Variants in CDC25C observed in about 807,000 individuals in gnomAD.
CDC25C encodes the protein cell division cycle 25C.
A neutral mutation model predicts 52.5 loss-of-function variants in CDC25C; 48 were observed. The observed-to-expected ratio is 0.91, with a 90% CI of 0.72 to 1.16. The LOEUF is 1.16. Ranked by LOEUF, CDC25C falls within the 50% of genes most tolerant of loss-of-function variation. The pLI, the probability that CDC25C is intolerant of heterozygous loss-of-function variation, is 0.00. For missense variants in CDC25C, 510 were observed against 566.1 expected (o/e 0.90, Z 1.01); for synonymous variants, 187 against 206.5 (o/e 0.91, Z 0.81).
chr5:138,329,626 G>A lies in CDC25C; in HGVS notation c.216C>T (p.Leu72=), dbSNP rs778223143. The A allele has an allele frequency of 6.2e-6, 10 of 1,612,226 alleles. No individual in the cohort carries two copies. Among genetic ancestry groups the A allele is most frequent in the African/African-American group, 4.0e-5 (3 of 74,756 alleles). ...CCCCACTGCTAAGATTCGAAAGATCGAGGCAACGTTTTGGGGTTCCTCTGT... is the reference window on the plus strand; with the variant it reads ...CCCCACTGCTAAGATTCGAAAGATCAAGGCAACGTTTTGGGGTTCCTCTGT... ...ILSGGTPKRC[L]DLSNLSSGEI... is the part of the protein sequence containing the mutation. Residue 72 remains leucine, a synonymous_variant, in exon 3 of 14, where the codon CTC becomes CTT. Transcript: ENST00000323760.
chr5:138,293,234 A>G (rs1421413076), intron 7 of CDC25C, among the ~76,000 whole-genome samples: 1 of 152,162 alleles, frequency 6.6e-6, no homozygotes. Flanking sequence ...TGACTGGACC[A>G]TATTGCTGGT....
At position 138,285,710 on chromosome 5, in the gene CDC25C, C is replaced by T. The variant is rs141233726; in HGVS notation, c.1404G>A (p.Val468=). ...AATGTTATCATGGGCTCATGTCCTT[C>T]ACCAGAAGGGCAATCTGCTCCCGCA... ...RQLREQIALL[V]KDMSP Residue 468 remains valine (V), a synonymous_variant, in exon 14 of 14, where the codon GTG becomes GTA. Transcript: ENST00000323760. 53 of 1,614,026 alleles carry T rather than the reference C, an allele frequency of 3.3e-5. 1 individual carries two copies. Among genetic ancestry groups the T allele is most frequent in the Non-Finnish European group, 4.5e-5 (53 of 1,180,012 alleles).
At chr5:138,322,738 G>A (rs1301363279) in intron 6 of CDC25C, among the ~76,000 whole-genome samples, 1 of 144,730 alleles carries the variant, frequency 6.9e-6, no homozygotes, top group Non-Finnish European at 1.5e-5. Context: ...GCCTCCCAAA[G>A]TGCTGGAATT....
At chr5:138,304,658 A>G (rs1204960107) in intron 7 of CDC25C, among the ~76,000 whole-genome samples, 2 of 151,982 alleles carry the variant, frequency 1.3e-5, no homozygotes, top group African/African-American at 2.4e-5. Flanking sequence ...GGCATGCACT[A>G]CCACATGCAA....
At chr5:138,332,544 G>GA (rs1760475823), upstream of CDC25C, among the ~76,000 whole-genome samples, 1 of 152,106 alleles carries the variant, frequency 6.6e-6, no homozygotes, top group African/African-American at 2.4e-5. Flanking sequence ...GGTTATTAAT[G>GA]AAAATTTGAA....
chr5:138,332,354 G>C (rs1462374260), upstream of CDC25C, among the ~76,000 whole-genome samples: 1 of 152,160 alleles, frequency 6.6e-6, no homozygotes, highest in East Asian at 1.9e-4. Flanking sequence ...AGACGGGTGT[G>C]TGTGTTTATG....
intron 9 of CDC25C, 121 bp downstream of exon 9, chr5:138,290,518 G>A: frequency 1.5e-6 from 1 of 660,920 alleles, no homozygotes; most frequent in African/African-American, 1.8e-5. Flanking sequence ...CTAGAGCACT[G>A]TCAGGTTACC....
intron 7 of CDC25C, among the ~76,000 whole-genome samples, chr5:138,303,067 T>C (rs1435129607): frequency 1.3e-5 from 2 of 152,248 alleles, no homozygotes; most frequent in East Asian, 3.9e-4. Flanking sequence ...AGACCATGTC[T>C]CTTTAAAAAC....
intron 4 of CDC25C, among the ~76,000 whole-genome samples, 183 bp from the exon 5 acceptor site, chr5:138,326,237 A>G (rs1759846171): frequency 6.6e-6 from 1 of 152,208 alleles, no homozygotes; most frequent in Non-Finnish European, 1.5e-5. Flanking sequence ...CTCAAGTGAC[A>G]TCCTGGGGAT....
upstream of CDC25C, among the ~76,000 whole-genome samples, chr5:138,336,076 T>C (rs940497288): frequency 1.3e-5 from 2 of 151,766 alleles, no homozygotes; most frequent in Admixed American, 6.6e-5. Context: ...TATCAAAGTA[T>C]GTAGGTCAAG....
At position 138,292,106 on chromosome 5, in the gene CDC25C, C is replaced by T. The variant is rs1410731154; in HGVS notation, c.626G>A (p.Ser209Asn). Residue 209 changes from serine (S) to asparagine (N), a missense_variant, in exon 8 of 14, where the codon AGT becomes AAT. Physicochemically the swap from Ser to Asn is conservative, Grantham distance 46. Transcript: ENST00000323760. ...LKDQEAKVSR[S>N]GLYRSPSMPE... ...CATCGACGGGGAGCGATATAGGCCA[C>T]TTCTGCTCACCTGTTTGGGAATATT... is the stretch of plus-strand genomic sequence containing the variant. The T allele has an allele frequency of 2.5e-6, 4 of 1,611,742 alleles. No individual in the cohort carries two copies. Among genetic ancestry groups the T allele is most frequent in the Non-Finnish European group, 3.4e-6 (4 of 1,178,888 alleles).
Position 138,331,745 on chromosome 5 carries a change from A to G in CDC25C, c.-189T>C, listed in dbSNP as rs1760403207. ...CTCTGCCTTCCGACTGGGTAGGCCA[A>G]CGTCGGACTCAGAGTCTTCCCTGAG... On this transcript the variant is annotated 5_prime_UTR_variant, in exon 1 of 14. Coordinates refer to ENST00000323760, the MANE Select transcript of CDC25C (RefSeq NM_001790.5). The G allele has an allele frequency of 3.0e-6, 3 of 988,012 alleles. No homozygotes were observed. The highest frequency in any genetic ancestry group is 3.6e-6 in the Non-Finnish European group (3 of 831,272). 61.2% of individuals were successfully genotyped at this position (988,012 alleles called of 1,614,324 possible).
upstream of CDC25C, chr5:138,336,700 AT>A (rs1760727578): frequency 1.3e-5 from 2 of 152,042 alleles, no homozygotes; most frequent in South Asian, 4.1e-4. Flanking sequence ...AAAAAAAAAA[AT>A]GTAGCATGGT....
chr5:138,287,670 A>G (rs1045142299), intron 10 of CDC25C, among the ~76,000 whole-genome samples: 6 of 152,224 alleles, frequency 3.9e-5, no homozygotes, highest in Non-Finnish European at 8.8e-5. Flanking sequence ...TCTTTCAGGA[A>G]AGGATATGGA....
Position 138,287,223 on chromosome 5 carries a change from CT to C in CDC25C, c.971del (p.Lys324SerfsTer22). 6.2e-7 allele frequency: 1 copy of C among 1,614,122 alleles called. No individual in the cohort carries two copies. Among genetic ancestry groups the C allele is most frequent in the Non-Finnish European group, 8.5e-7 (1 of 1,180,000 alleles). On this transcript the variant is annotated frameshift_variant, in exon 11 of 14. Coordinates refer to ENST00000323760, the MANE Select transcript of CDC25C (RefSeq NM_001790.5). LOFTEE classifies it high-confidence loss of function. The stretch of plus-strand genomic sequence containing the variant: ...GATAGCGACAATCAATGACATAAAA[CT>C]TCTCAATCAGACCCTGGAACTTCCC... ...LSGKFQGLIE[K>X]FYVIDCRYPY...
intron 1 of CDC25C, chr5:138,337,424 G>GT (rs1337175317): frequency 6.5e-6 from 1 of 154,078 alleles, no homozygotes; most frequent in South Asian, 1.7e-4. Context: ...TTCCCTTTCT[G>GT]TTTAAGGAAA....
chr5:138,285,829 G>A lies in CDC25C; in HGVS notation c.1285C>T (p.Pro429Ser). 1 of 1,614,114 alleles carries A rather than the reference G, an allele frequency of 6.2e-7. No individual in the cohort carries two copies. Among genetic ancestry groups the A allele is most frequent in the Admixed American group, 1.7e-5 (1 of 60,022 alleles). ...FFPEYMELCE[P>S]QSYCPMHHQD... ...TGATGCATAGGGCAGTAGCTCTGTG[G>A]TTCACACAGTTCCTGAAAGGTAAGG... is the stretch of plus-strand genomic sequence containing the variant. The change falls in exon 14 of 14, where the codon CCA becomes TCA. Residue 429 changes from proline (P) to serine (S), a missense_variant. Transcript: ENST00000323760.
chr5:138,332,970 C>T (rs529302865), upstream of CDC25C, among the ~76,000 whole-genome samples: 42 of 152,248 alleles, frequency 2.8e-4, no homozygotes, highest in Non-Finnish European at 4.9e-4. Flanking sequence ...CATATCTGTG[C>T]TTCTCAAGGT....
chr5:138,317,071 C>T (rs1758934012), intron 7 of CDC25C, among the ~76,000 whole-genome samples: 1 of 152,108 alleles, frequency 6.6e-6, no homozygotes, highest in Non-Finnish European at 1.5e-5. Context: ...TTGGGCAACA[C>T]ATCAAGACCC....
Sources: gnomAD v4.1 joint callset for allele counts (sites outside exome capture counted in the v4.1 genomes callset) on GRCh38, gnomAD v4.1.1 for gene constraint, MANE v1.5 for transcripts, NCBI Gene and HGNC (gene_info 2026-07-23, HGNC 2026-07-21) for gene names.